PCCB: variants seen among roughly 807,000 people sequenced by gnomAD.
PCCB encodes the protein propionyl-CoA carboxylase beta chain, mitochondrial.
Under a neutral mutation model 60.7 loss-of-function variants are expected in PCCB, and 43 were observed. The observed-to-expected ratio is 0.71, with a 90% CI of 0.55 to 0.91. The LOEUF is 0.91. Among genes scored for constraint, PCCB ranks in the 40% least tolerant of loss-of-function variants. PCCB has a pLI of 0.00. For missense variants in PCCB, 766 were observed against 702.8 expected, an observed-to-expected ratio of 1.09 and a Z score of -1.02; for synonymous variants, 276 against 255.9, an observed-to-expected ratio of 1.08 and a Z score of -0.75.
chr3:136,313,277 G>A (rs1487279882), intron 9 of PCCB, among the ~76,000 whole-genome samples: 2 of 152,150 alleles, frequency 1.3e-5, no homozygotes, highest in East Asian at 1.9e-4. Context: ...CCATTACGTT[G>A]TCATTTGTAA....
rs1000707726 is a variant in PCCB at position 136,250,635 on chromosome 3, C to G, written c.183+77C>G. On this transcript the variant is annotated intron_variant, in intron 1 of 14. Coordinates refer to ENST00000251654, the MANE Select transcript of PCCB (RefSeq NM_000532.5). ...CACTGCGTGCCCGGCTTGCGGCGTCCGAGGCCTCCCTGCCAATCCGCACGG... is the reference window on the plus strand; with the variant it reads ...CACTGCGTGCCCGGCTTGCGGCGTCGGAGGCCTCCCTGCCAATCCGCACGG... 3 of 1,419,248 alleles carry G rather than the reference C, an allele frequency of 2.1e-6. No individual in the cohort carries two copies. In the African/African-American group the frequency reaches 4.3e-5, roughly 20 times the overall value. 87.9% of individuals were successfully genotyped at this position (1,419,248 alleles called of 1,614,324 possible).
chr3:136,273,605 T>C (rs1348341670), intron 5 of PCCB, among the ~76,000 whole-genome samples: 103 of 140,204 alleles, frequency 7.3e-4, no homozygotes, highest in African/African-American at 2.7e-3. Flanking sequence ...TTCTTTTTTT[T>C]TTTTTTTTTT....
rs932009301 is a variant in PCCB, at chr3:136,302,532, T to A, written c.966+1421T>A. On this transcript the variant is annotated intron_variant, in intron 9 of 14. Transcript: ENST00000251654. Reference sequence around the variant, plus strand: ...TTTGTAATTTTTTTCTGTCATTTATTTAGGGTTTTATTTTATTTATTTATT... The same window carrying A: ...TTTGTAATTTTTTTCTGTCATTTATATAGGGTTTTATTTTATTTATTTATT... Among the ~76,000 whole-genome samples the A allele has an allele frequency of 2.5e-5, 3 of 121,078 alleles. 1 individual carries two copies. Among genetic ancestry groups the A allele is most frequent in the African/African-American group, 7.5e-5 (3 of 39,946 alleles). 79.4% of individuals were successfully genotyped at this position (121,078 alleles called of 152,430 possible).
At chr3:136,298,342 G>A (rs1452371117) in intron 8 of PCCB, among the ~76,000 whole-genome samples, 1 of 152,136 alleles carries the variant, frequency 6.6e-6, no homozygotes, top group Non-Finnish European at 1.5e-5. Flanking sequence ...TGATTTCTAA[G>A]AAACTCTCAA....
intron 5 of PCCB, among the ~76,000 whole-genome samples, chr3:136,283,375 C>CTT (rs1185036357): frequency 6.6e-6 from 1 of 152,158 alleles, no homozygotes; most frequent in Non-Finnish European, 1.5e-5. Context: ...GAAGCACCTG[C>CTT]TTGTACCCTT....
At chr3:136,276,921 TCTC>T (rs1231080962) in intron 5 of PCCB, among the ~76,000 whole-genome samples, 1 of 152,184 alleles carries the variant, frequency 6.6e-6, no homozygotes, top group African/African-American at 2.4e-5. Flanking sequence ...GGTGTGGTGG[TCTC>T]CTCCTTCCCT....
At chr3:136,307,746 C>T (rs565727304) in intron 9 of PCCB, among the ~76,000 whole-genome samples, 49 of 152,128 alleles carry the variant, frequency 3.2e-4, no homozygotes, top group Middle Eastern at 3.4e-3. Flanking sequence ...GAGGCTGAGG[C>T]GAGCAGATCA....
Position 136,283,893 on chromosome 3 carries a change from T to A in PCCB, c.600T>A (p.Cys200Ter), listed in dbSNP as rs759098964. ...IPQISLIMGP[C>*]AGGAVYSPAL... ...AGATTTCTCTGATCATGGGCCCATGTGCTGGTGGGGCCGTCTACTCCCCAG... is the reference window on the plus strand; with the variant it reads ...AGATTTCTCTGATCATGGGCCCATGAGCTGGTGGGGCCGTCTACTCCCCAG... The change falls in exon 6 of 15, where the codon TGT becomes TGA. Residue 200 changes from cysteine to a stop codon, truncating the protein, a stop_gained. Transcript: ENST00000251654. LOFTEE classifies it high-confidence loss of function. 1 of 1,613,958 alleles carries A rather than the reference T, an allele frequency of 6.2e-7. No homozygotes were observed. The highest frequency in any genetic ancestry group is 2.2e-5 in the East Asian group (1 of 44,892).
chr3:136,252,110 G>A (rs1030962776), intron 1 of PCCB, among the ~76,000 whole-genome samples: 2 of 151,870 alleles, frequency 1.3e-5, no homozygotes, highest in Non-Finnish European at 1.5e-5. Context: ...TTGTACGCCT[G>A]ACCTCAAGTG....
In PCCB at chr3:136,250,572, G is replaced by A. The variant is rs1184082745; in HGVS notation, c.183+14G>A. ...CAGCACAAGCGAGTGAGTCCTGAGG[G>A]GCCTAAGTGAGTCCCGCCCCTGGCG... is the stretch of plus-strand genomic sequence containing the variant. On this transcript the variant is annotated intron_variant, in intron 1 of 14. Coordinates refer to ENST00000251654, the MANE Select transcript of PCCB (RefSeq NM_000532.5). 3.7e-6 allele frequency: 6 copies of A among 1,601,746 alleles called. No homozygotes were observed. The highest frequency in any genetic ancestry group is 5.1e-6 in the Non-Finnish European group (6 of 1,172,996).
chr3:136,305,156 G>C (rs1171970419), intron 9 of PCCB, among the ~76,000 whole-genome samples: 1 of 119,996 alleles, frequency 8.3e-6, no homozygotes, highest in Non-Finnish European at 1.9e-5. Context: ...GTGCAGTGGC[G>C]AGATCACGGC....
chr3:136,319,234 CT>C (rs1281698221), intron 10 of PCCB, among the ~76,000 whole-genome samples: 1 of 152,008 alleles, frequency 6.6e-6, no homozygotes, highest in East Asian at 1.9e-4. Flanking sequence ...TATTCAAGTC[CT>C]TTTCCATTTT....
intron 7 of PCCB, among the ~76,000 whole-genome samples, chr3:136,294,659 G>C (rs1933853911): frequency 6.6e-6 from 1 of 151,852 alleles, no homozygotes; most frequent in South Asian, 2.1e-4. Context: ...TGCCCAGGCT[G>C]GAGTGCAGGA....
chr3:136,271,002 G>T lies in PCCB; in HGVS notation c.543+8937G>T, dbSNP rs144907325. ...TGGGATTATTTTTTCTTGCTGATTT[G>T]AGTTCCTTGTAGATTCTGCATACTG... On this transcript the variant is annotated intron_variant, in intron 5 of 14. Coordinates refer to ENST00000251654, the MANE Select transcript of PCCB (RefSeq NM_000532.5). Among the ~76,000 whole-genome samples, 154 of 152,208 alleles carry T rather than the reference G, an allele frequency of 1.0e-3. 2 individuals are homozygous for T. Among genetic ancestry groups the T allele is most frequent in the African/African-American group, 3.6e-3 (151 of 41,536 alleles).
chr3:136,285,925 G>A (rs954766271), intron 6 of PCCB, among the ~76,000 whole-genome samples: 1 of 152,190 alleles, frequency 6.6e-6, no homozygotes, highest in East Asian at 1.9e-4. Flanking sequence ...TAAGAGTGCA[G>A]TGGAAAATAC....
At chr3:136,268,098 A>ATATATATATG (rs1560002478) in intron 5 of PCCB, among the ~76,000 whole-genome samples, 6 of 115,538 alleles carry the variant, frequency 5.2e-5, no homozygotes, top group South Asian at 2.5e-4. Context: ...ATATATATAT[A>ATATATATATG]TATATATATA....
chr3:136,276,030 C>G (rs1942323377), intron 5 of PCCB, among the ~76,000 whole-genome samples: 1 of 152,150 alleles, frequency 6.6e-6, no homozygotes, highest in Non-Finnish European at 1.5e-5. Flanking sequence ...CTTGGCCTCC[C>G]AAAGTGTTGG....
chr3:136,269,501 T>C (rs1942129607), intron 5 of PCCB, among the ~76,000 whole-genome samples: 1 of 152,304 alleles, frequency 6.6e-6, no homozygotes, highest in Admixed American at 6.5e-5. Flanking sequence ...GTTTTACTTA[T>C]TCCTTTCTAA....
chr3:136,285,126 T>C (rs1304217178), intron 6 of PCCB, among the ~76,000 whole-genome samples: 1 of 150,436 alleles, frequency 6.6e-6, no homozygotes, highest in African/African-American at 2.5e-5. Flanking sequence ...TGACCACTTC[T>C]CTTACTTGGT....
Sources: allele counts gnomAD v4.1 joint callset (sites outside exome capture counted in the v4.1 genomes callset), GRCh38; gene constraint gnomAD v4.1.1; transcripts MANE v1.5; gene names NCBI Gene and HGNC (gene_info 2026-07-23, HGNC 2026-07-21).